DENND3: variants seen among roughly 807,000 people sequenced by gnomAD.
DENND3 encodes DENN domain containing 3.
Under a neutral mutation model 135.1 loss-of-function variants are expected in DENND3, and 88 were observed. The observed-to-expected ratio is 0.65, with a 90% CI of 0.55 to 0.78. The LOEUF (loss-of-function observed/expected upper bound fraction) is 0.78, where lower values mean the gene tolerates loss of function less well. DENND3 is among the 30% of genes least tolerant of loss of function. DENND3 has a pLI of 0.00. For missense variants in DENND3, 1,392 were observed against 1,688.4 expected (o/e 0.82, Z 3.08); for synonymous variants, 693 against 712.3 (o/e 0.97, Z 0.43).
In DENND3 at chr8:141,175,802, T is replaced by A. The variant is rs1822255958; in HGVS notation, c.2535+343T>A. 2.9e-6 allele frequency: 1 copy of A among 346,676 alleles called. No homozygotes were observed. The highest frequency in any genetic ancestry group is 5.5e-6 in the Non-Finnish European group (1 of 180,720). The allele number at this position is 346,676 out of a possible 1,614,324, so 21.5% of individuals were successfully genotyped here. A position where few individuals can be genotyped will look rare whatever the true frequency, so the allele number is the denominator to read the frequency against. The stretch of plus-strand genomic sequence containing the variant: ...ACGCCTTCGTTCATCCATGAGATGT[T>A]TACTGAGAAACTGCCATGTGCCAGC... On this transcript the variant is annotated intron_variant, in intron 14 of 22. Transcript: ENST00000519811. The surrounding 1 kb of genome is among the most constrained non-coding windows in gnomAD (Gnocchi z 5.4).
chr8:141,160,583 G>A (rs760156050), intron 8 of DENND3, 49 bp from the exon 9 acceptor site: 20 of 1,530,936 alleles, frequency 1.3e-5, no homozygotes, highest in East Asian at 6.9e-5. Context: ...GTGAGCGGCC[G>A]TGGCCAGTGC....
Position 141,144,841 on chromosome 8 carries a change from A to G in DENND3, c.735+582A>G, listed in dbSNP as rs1817860316. 6.6e-6 allele frequency among the ~76,000 whole-genome samples: 1 copy of G among 152,146 alleles called. No individual in the cohort carries two copies. Reference sequence around the variant, plus strand: ...GCAAGGGTTAAGTCACTCCCTACAAACCATAAGAGCTCCTTAAACAGGTAT... The same window carrying G: ...GCAAGGGTTAAGTCACTCCCTACAAGCCATAAGAGCTCCTTAAACAGGTAT... On this transcript the variant is annotated intron_variant, in intron 5 of 22. Transcript: ENST00000519811. This position sits in a 1 kb window ranked among gnomAD's most constrained non-coding sequence, Gnocchi z 4.4.
chr8:141,189,127 G>A lies in DENND3; in HGVS notation c.3226G>A (p.Asp1076Asn), dbSNP rs578169639. The A allele has an allele frequency of 9.9e-6, 16 of 1,614,228 alleles. No homozygotes were observed. In the South Asian group the frequency reaches 1.1e-4, roughly 11 times the overall value. ...CSSVTDLIVQ[D>N]GQEAPSNVYS... ...CAGTGTCACGGATTTGATTGTGCAGGACGGACAGGAGGCACCCAGGTGCAG... is the reference window on the plus strand; with the variant it reads ...CAGTGTCACGGATTTGATTGTGCAGAACGGACAGGAGGCACCCAGGTGCAG... Residue 1076 changes from aspartate to asparagine, a missense_variant, in exon 19 of 23, where the codon GAC becomes AAC. Asp to Asn is a conservative substitution (Grantham distance 23). Coordinates refer to ENST00000519811, the MANE Select transcript of DENND3 (RefSeq NM_001352890.3).
chr8:141,169,281 C>T (rs1821197437), intron 13 of DENND3, among the ~76,000 whole-genome samples: 1 of 152,278 alleles, frequency 6.6e-6, no homozygotes, highest in Admixed American at 6.5e-5. Context: ...GGGCACTTAC[C>T]TGGGAACGGG....
At chr8:141,172,019 G>A (rs558185674) in intron 13 of DENND3, among the ~76,000 whole-genome samples, 8 of 148,474 alleles carry the variant, frequency 5.4e-5, no homozygotes, top group African/African-American at 2.0e-4. Context: ...TGTGCATATC[G>A]GTGTCTGTGG....
chr8:141,152,214 T>C (rs1488587210), intron 7 of DENND3, among the ~76,000 whole-genome samples: 2 of 152,274 alleles, frequency 1.3e-5, no homozygotes, highest in African/African-American at 4.8e-5. Context: ...AATATTGCAA[T>C]GATGCCAGGA....
intron 20 of DENND3, chr8:141,191,312 C>T (rs1824721215): frequency 6.6e-6 from 1 of 152,246 alleles, no homozygotes; most frequent in East Asian, 1.9e-4. Flanking sequence ...TTTATTCAGA[C>T]AGCAGGATGT....
intron 7 of DENND3, among the ~76,000 whole-genome samples, chr8:141,153,779 T>A (rs1819106166): frequency 6.6e-6 from 1 of 152,222 alleles, no homozygotes. Flanking sequence ...TTTCTTTTTT[T>A]AGTCATTAGG....
Position 141,180,382 on chromosome 8 carries a change from G to A in DENND3, c.2837-365G>A, listed in dbSNP as rs559692038. Among the ~76,000 whole-genome samples the A allele has an allele frequency of 7.2e-5, 11 of 152,294 alleles. No individual in the cohort carries two copies. In the South Asian group the frequency reaches 1.0e-3, roughly 14 times the overall value. On this transcript the variant is annotated intron_variant, in intron 16 of 22. Coordinates refer to ENST00000519811, the MANE Select transcript of DENND3 (RefSeq NM_001352890.3). The stretch of plus-strand genomic sequence containing the variant: ...TTATTGAGGAGAATTTTATATCTCC[G>A]CTTTGCTGGGCACTGTGTCATGTTT...
chr8:141,130,615 T>C lies in DENND3; in HGVS notation c.102+1806T>C, dbSNP rs1447155215. 2.6e-5 allele frequency among the ~76,000 whole-genome samples: 4 copies of C among 152,046 alleles called. No individual in the cohort carries two copies. Among genetic ancestry groups the C allele is most frequent in the Non-Finnish European group, 5.9e-5 (4 of 68,018 alleles). ...TTAAGGTCAATATTAATGTTATAGT[T>C]AACCAAACATATGATTTTATTTATT... is the stretch of plus-strand genomic sequence containing the variant. On this transcript the variant is annotated intron_variant, in intron 1 of 22. Transcript: ENST00000519811. The surrounding 1 kb of genome is among the most constrained non-coding windows in gnomAD (Gnocchi z 4.2).
intron 16 of DENND3, among the ~76,000 whole-genome samples, chr8:141,180,322 G>T (rs565266107): frequency 2.0e-4 from 30 of 152,358 alleles, no homozygotes; most frequent in South Asian, 1.4e-3. Context: ...GCGCTCATGG[G>T]TTAGGTCTCT....
intron 5 of DENND3, among the ~76,000 whole-genome samples, chr8:141,147,898 G>T (rs777520707): frequency 4.6e-5 from 7 of 152,186 alleles, no homozygotes; most frequent in Non-Finnish European, 1.0e-4. Flanking sequence ...TGCGTCCCGT[G>T]CGTGTGTCTG....
chr8:141,164,741 T>C (rs1820553591), intron 10 of DENND3, among the ~76,000 whole-genome samples: 1 of 152,218 alleles, frequency 6.6e-6, no homozygotes, highest in Non-Finnish European at 1.5e-5. Context: ...GCCCGAGGCT[T>C]CCAGCTGCCT....
rs908749946 is a variant in DENND3, at chr8:141,137,869, G to T, written c.386-153G>T. 2.6e-5 allele frequency among the ~76,000 whole-genome samples: 4 copies of T among 152,230 alleles called. No individual in the cohort carries two copies. Among genetic ancestry groups the T allele is most frequent in the African/African-American group, 9.6e-5 (4 of 41,460 alleles). On this transcript the variant is annotated intron_variant, in intron 2 of 22. Coordinates refer to ENST00000519811, the MANE Select transcript of DENND3 (RefSeq NM_001352890.3). The surrounding 1 kb of genome is among the most constrained non-coding windows in gnomAD (Gnocchi z 4.1). Reference sequence around the variant, plus strand: ...ACTCAGGGAGGATAGACGGCCGGAGGCGTGATCGGAAGAATGAACCCGCCT... The same window carrying T: ...ACTCAGGGAGGATAGACGGCCGGAGTCGTGATCGGAAGAATGAACCCGCCT...
At chr8:141,131,065 A>C (rs367671375) in intron 1 of DENND3, among the ~76,000 whole-genome samples, 4 of 152,192 alleles carry the variant, frequency 2.6e-5, no homozygotes, top group African/African-American at 9.7e-5. Flanking sequence ...TGACACAGGA[A>C]AACAGAGGTC....
rs1395070499 is a variant in DENND3, at chr8:141,166,912, C to T, written c.1753+523C>T. Among the ~76,000 whole-genome samples the T allele has an allele frequency of 1.3e-5, 2 of 152,016 alleles. No homozygotes were observed. Among genetic ancestry groups the T allele is most frequent in the East Asian group, 1.9e-4 (1 of 5,182 alleles). On this transcript the variant is annotated intron_variant, in intron 12 of 22. Coordinates refer to ENST00000519811, the MANE Select transcript of DENND3 (RefSeq NM_001352890.3). This position sits in a 1 kb window ranked among gnomAD's most constrained non-coding sequence, Gnocchi z 4.3. ...CATGGAGAGGCCAAGCCCAGCCTCG[C>T]GCCTTCTTGGGGAGGTACGTCCTGT...
rs1819807811 is a variant in DENND3, at chr8:141,159,088, C to G, written c.1197-1544C>G. On this transcript the variant is annotated intron_variant, in intron 8 of 22. Transcript: ENST00000519811. Reference sequence around the variant, plus strand: ...AGACCCATCTAGGCAAGGGTAGTTGCCCAAGTCCTGTGAGTCTGGTCAGCC... The same window carrying G: ...AGACCCATCTAGGCAAGGGTAGTTGGCCAAGTCCTGTGAGTCTGGTCAGCC... Among the ~76,000 whole-genome samples, 4 of 152,224 alleles carry G rather than the reference C, an allele frequency of 2.6e-5. No homozygotes were observed. The South Asian group carries it at 8.3e-4, about 32-fold the overall frequency.
At chr8:141,153,093 T>C (rs982422284) in intron 7 of DENND3, among the ~76,000 whole-genome samples, 1 of 67,362 alleles carries the variant, frequency 1.5e-5, no homozygotes, top group African/African-American at 5.3e-5. Flanking sequence ...AATATCTTTC[T>C]TTTTTTTTTT....
chr8:141,140,033 T>A (rs1446536602), intron 3 of DENND3, among the ~76,000 whole-genome samples: 1 of 152,070 alleles, frequency 6.6e-6, no homozygotes, highest in Non-Finnish European at 1.5e-5. Flanking sequence ...CACCTCAGCC[T>A]CCTGAGTAGC....
Sources: gnomAD v4.1 joint callset for allele counts (sites outside exome capture counted in the v4.1 genomes callset) on GRCh38, gnomAD v4.1.1 for gene constraint, Gnocchi (gnomAD v3.1) non-coding constraint, MANE v1.5 for transcripts, NCBI Gene and HGNC (gene_info 2026-07-23, HGNC 2026-07-21) for gene names.